The following DAB1 variants were observed in gnomAD, a reference collection of about 807,000 sequenced individuals.
The protein encoded by DAB1 is disabled homolog 1.
DAB1 carries 15 observed loss-of-function variants against 64.6 expected under a neutral mutation model. The ratio of observed to expected loss-of-function variants is 0.23; its 90% CI spans 0.16 to 0.36. DAB1 has a LOEUF of 0.36. Among genes scored for constraint, DAB1 ranks in the 10% least tolerant of loss-of-function variants. The pLI is 1.00. For missense variants in DAB1, 596 were observed against 706.7 expected, an observed-to-expected ratio of 0.84 and a Z score of 1.78; for synonymous variants, 235 against 251.9, an observed-to-expected ratio of 0.93 and a Z score of 0.64.
intron 2 of DAB1, among the ~76,000 whole-genome samples, chr1:58,520,823 G>C (rs966081027): frequency 6.6e-6 from 1 of 151,790 alleles, no homozygotes; most frequent in African/African-American, 2.4e-5. Flanking sequence ...AAAATTAATA[G>C]CCCTAAAAGG....
intron 2 of DAB1, among the ~76,000 whole-genome samples, chr1:58,522,035 T>C (rs190328409): frequency 1.8e-4 from 28 of 152,242 alleles, no homozygotes; most frequent in Admixed American, 1.8e-3. Context: ...ATTCTAGCAA[T>C]ATATTAAGGG....
In DAB1 at chr1:57,699,019, C is replaced by G. The variant is rs114803390; in HGVS notation, n.552-49354G>C. Among the ~76,000 whole-genome samples the G allele has an allele frequency of 4.6e-3, 700 of 152,238 alleles. 7 individuals are homozygous for G. The highest frequency in any genetic ancestry group is 0.016 in the African/African-American group (661 of 41,538). ...ATGGCATGATCATTGCTCACTGCGG[C>G]CTTGAATTCCTGGGCTCAAGCCATC... On this transcript the variant is annotated intron_variant and non_coding_transcript_variant, in intron 6 of 20. Transcript: ENST00000485760.
chr1:57,963,991 A>G (rs1247985395), intron 5 of DAB1, among the ~76,000 whole-genome samples: 4 of 152,222 alleles, frequency 2.6e-5, no homozygotes, highest in Non-Finnish European at 5.9e-5. Flanking sequence ...GCCTTTCATT[A>G]GAAACACCAT....
At chr1:57,078,143 C>T (rs1652160393) in intron 4 of DAB1, among the ~76,000 whole-genome samples, 1 of 152,154 alleles carries the variant, frequency 6.6e-6, no homozygotes, top group Non-Finnish European at 1.5e-5. Context: ...CCCCAGGCAA[C>T]CCATCATCAA....
intron 5 of DAB1, among the ~76,000 whole-genome samples, chr1:57,957,679 G>A (rs947417853): frequency 1.3e-5 from 2 of 152,070 alleles, no homozygotes; most frequent in African/African-American, 4.8e-5. Flanking sequence ...GGAAAAATGA[G>A]GAAGAGCCAG....
At position 56,997,970 on chromosome 1, in the gene DAB1, T is replaced by G. The variant is rs1248276303; in HGVS notation, c.*174A>C. ...GCTTAGTTCCCTCTTCTGAGCGAGT[T>G]CCATTGGGCAATCATGAATTTCTTG... is the stretch of plus-strand genomic sequence containing the variant. On this transcript the variant is annotated 3_prime_UTR_variant, in exon 15 of 15. Transcript: ENST00000371236. 5 of 152,574 alleles carry G rather than the reference T, an allele frequency of 3.3e-5. No individual in the cohort carries two copies. Among genetic ancestry groups the G allele is most frequent in the Admixed American group, 3.3e-4 (5 of 15,282 alleles). The allele number at this position is 152,574 out of a possible 1,614,324, so 9.5% of individuals were successfully genotyped here.
Position 57,071,054 on chromosome 1 carries a change from A to G in DAB1, c.566T>C (p.Leu189Ser). 4.3e-6 allele frequency: 7 copies of G among 1,612,912 alleles called. No individual in the cohort carries two copies. The highest frequency in any genetic ancestry group is 5.9e-6 in the Non-Finnish European group (7 of 1,178,976). The change falls in exon 7 of 15, where the codon TTG (leucine) becomes TCG (serine). Residue 189 changes from leucine (L) to serine (S), a missense_variant. Physicochemically the swap from Leu to Ser is moderately radical, Grantham distance 145. Coordinates refer to ENST00000371236, the MANE Select transcript of DAB1 (RefSeq NM_001365792.1). Reference protein sequence around the residue: ...QCEQAVYQTILEEDVEDPVYQ... With the variant: ...QCEQAVYQTISEEDVEDPVYQ... ...CACAGGATCTTCAACATCCTCTTCC[A>G]ATATTGTCTATTGCAGAGTAAGGAG...
At chr1:58,059,725 T>C (rs1353217291) in intron 5 of DAB1, among the ~76,000 whole-genome samples, 1 of 152,260 alleles carries the variant, frequency 6.6e-6, no homozygotes, top group Non-Finnish European at 1.5e-5. Context: ...GAGTGCTTTA[T>C]ATGCTTGCCA....
intron 7 of DAB1, among the ~76,000 whole-genome samples, chr1:57,633,708 T>C (rs1212755580): frequency 6.6e-6 from 1 of 152,074 alleles, no homozygotes; most frequent in Non-Finnish European, 1.5e-5. Flanking sequence ...AGCCCACCAA[T>C]GAAAGTCTGA....
At chr1:58,078,546 C>T (rs1355633114) in intron 5 of DAB1, among the ~76,000 whole-genome samples, 1 of 152,094 alleles carries the variant, frequency 6.6e-6, no homozygotes, top group Non-Finnish European at 1.5e-5. Context: ...ATGATGTTAG[C>T]TCCCTGCAGC....
At chr1:57,784,711 G>A (rs925377040) in intron 6 of DAB1, among the ~76,000 whole-genome samples, 1 of 152,166 alleles carries the variant, frequency 6.6e-6, no homozygotes, top group African/African-American at 2.4e-5. Flanking sequence ...GTTGGTTCCT[G>A]AGGTTTAAGG....
chr1:57,747,723 G>A (rs1557458164), intron 6 of DAB1, among the ~76,000 whole-genome samples: 1 of 149,918 alleles, frequency 6.7e-6, no homozygotes, highest in Non-Finnish European at 1.5e-5. Context: ...GCAGGAGAAT[G>A]GCGTGAATCT....
chr1:57,239,101 C>T (rs1359868523), intron 2 of DAB1, among the ~76,000 whole-genome samples: 1 of 152,126 alleles, frequency 6.6e-6, no homozygotes, highest in Non-Finnish European at 1.5e-5. Context: ...GCCCATTAAG[C>T]TCATTGCCCT....
rs545967913 is a variant in DAB1 at position 57,576,050 on chromosome 1, AT to A, written n.625+73541del. ...CCAACTTAAAATAGTTCAATTTATG[AT>A]TTTTTTGACCCTATGATTGTTAAAC... On this transcript the variant is annotated intron_variant and non_coding_transcript_variant, in intron 7 of 20. Coordinates refer to the DAB1 transcript ENST00000485760. Among the ~76,000 whole-genome samples the A allele has an allele frequency of 3.3e-4, 51 of 152,272 alleles. No individual in the cohort carries two copies. The South Asian group carries it at 0.011, about 32-fold the overall frequency.
chr1:58,448,259 A>C (rs1645093451), intron 3 of DAB1, among the ~76,000 whole-genome samples: 1 of 152,158 alleles, frequency 6.6e-6, no homozygotes, highest in Non-Finnish European at 1.5e-5. Context: ...AGATTAACCC[A>C]CTGGGGGCTT....
chr1:57,846,242 G>A (rs1025857723), intron 1 of DAB1, among the ~76,000 whole-genome samples: 8 of 151,964 alleles, frequency 5.3e-5, no homozygotes, highest in African/African-American at 1.5e-4. Flanking sequence ...GGCAGATCAC[G>A]AGGTCAGGAG....
At chr1:57,674,104 A>AT (rs1646538546) in intron 6 of DAB1, among the ~76,000 whole-genome samples, 4 of 152,324 alleles carry the variant, frequency 2.6e-5, no homozygotes, top group Middle Eastern at 3.4e-3. Flanking sequence ...AGCTTAAAAG[A>AT]TTTTTTAAAT....
chr1:57,137,246 T>C (rs1359413633), intron 3 of DAB1, among the ~76,000 whole-genome samples: 1 of 152,170 alleles, frequency 6.6e-6, no homozygotes, highest in Non-Finnish European at 1.5e-5. Flanking sequence ...ATTCCATTTA[T>C]CAAAAAAACT....
intron 3 of DAB1, among the ~76,000 whole-genome samples, chr1:58,496,075 A>G (rs1198316888): frequency 2.6e-5 from 4 of 152,230 alleles, no homozygotes; most frequent in Non-Finnish European, 4.4e-5. Context: ...AACCACAATC[A>G]AAGAAATGAA....
Sources: gnomAD v4.1 joint callset for allele counts (sites outside exome capture counted in the v4.1 genomes callset) on GRCh38, gnomAD v4.1.1 for gene constraint, MANE v1.5 for transcripts, NCBI Gene and HGNC (gene_info 2026-07-23, HGNC 2026-07-21) for gene names.